The following SPAG16 variants were observed in gnomAD, a reference collection of about 807,000 sequenced individuals.
The protein encoded by SPAG16 is sperm-associated antigen 16 protein.
A neutral mutation model predicts 80.4 loss-of-function variants in SPAG16; 86 were observed. The ratio of observed to expected loss-of-function variants is 1.07; its 90% CI spans 0.90 to 1.28. The LOEUF (loss-of-function observed/expected upper bound fraction) is 1.28. Among genes scored for constraint, SPAG16 ranks in the 50% most tolerant of loss-of-function variants. SPAG16 has a pLI of 0.00. For missense variants in SPAG16, 870 were observed against 765.3 expected (o/e 1.14, Z -1.61); for synonymous variants, 294 against 265.9 (o/e 1.11, Z -1.03).
At chr2:213,349,591 A>G (rs1481857031) in intron 6 of SPAG16, among the ~76,000 whole-genome samples, 1 of 152,192 alleles carries the variant, frequency 6.6e-6, no homozygotes. Flanking sequence ...CATGACTTAT[A>G]TAAAAATGTT....
intron 10 of SPAG16, among the ~76,000 whole-genome samples, chr2:213,850,432 G>A (rs1428586799): frequency 1.3e-5 from 2 of 152,194 alleles, no homozygotes; most frequent in African/African-American, 4.8e-5. Flanking sequence ...TAGATTTGAT[G>A]AAGAATGGAC....
chr2:214,321,829 T>C (rs2125995034), intron 15 of SPAG16, among the ~76,000 whole-genome samples: 1 of 152,318 alleles, frequency 6.6e-6, no homozygotes, highest in African/African-American at 2.4e-5. Flanking sequence ...AGTTTCAAAG[T>C]CATTAATAGG....
intron 11 of SPAG16, among the ~76,000 whole-genome samples, chr2:213,865,766 A>G (rs2075657941): frequency 6.8e-6 from 1 of 147,262 alleles, no homozygotes; most frequent in South Asian, 2.1e-4. Context: ...ATATATGTGT[A>G]AATTCAGAAT....
chr2:213,607,731 A>G (rs1469590211), intron 10 of SPAG16, among the ~76,000 whole-genome samples: 1 of 152,192 alleles, frequency 6.6e-6, no homozygotes, highest in East Asian at 1.9e-4. Context: ...GCATTCTAAA[A>G]TACATCTAAG....
intron 10 of SPAG16, among the ~76,000 whole-genome samples, chr2:213,555,164 TG>T (rs2059388338): frequency 6.6e-6 from 1 of 152,310 alleles, no homozygotes; most frequent in African/African-American, 2.4e-5. Flanking sequence ...TTATAGTCCA[TG>T]ACTAAATGGT....
Position 214,061,977 on chromosome 2 carries a change from G to A in SPAG16, c.1528-46219G>A, listed in dbSNP as rs925797594. ...AAAATAGCATACATAATGAATAAAA[G>A]CATGCACACACACACACACACACAC... On this transcript the variant is annotated intron_variant, in intron 13 of 15. Coordinates refer to ENST00000331683, the MANE Select transcript of SPAG16 (RefSeq NM_024532.5). 1.1e-3 allele frequency among the ~76,000 whole-genome samples: 70 copies of A among 65,400 alleles called. 1 individual carries two copies. The South Asian group carries it at 0.016, about 15-fold the overall frequency. The allele number at this position is 65,400 out of a possible 152,430, so 42.9% of individuals were successfully genotyped here.
At chr2:214,225,933 T>C (rs953140880) in intron 15 of SPAG16, among the ~76,000 whole-genome samples, 1 of 152,162 alleles carries the variant, frequency 6.6e-6, no homozygotes, top group Non-Finnish European at 1.5e-5. Flanking sequence ...CTATACAGTC[T>C]AGAAGTGGTA....
chr2:214,031,825 C>T (rs906806154), intron 13 of SPAG16, among the ~76,000 whole-genome samples: 1 of 151,814 alleles, frequency 6.6e-6, no homozygotes, highest in Non-Finnish European at 1.5e-5. Context: ...AGAGAGAGAA[C>T]CAAGGGGGGA....
chr2:213,630,383 CAA>C (rs926318146), intron 10 of SPAG16, among the ~76,000 whole-genome samples: 14 of 109,726 alleles, frequency 1.3e-4, no homozygotes, highest in Admixed American at 1.9e-4. Context: ...GACTCCATCT[CAA>C]AAAAAAAAAA....
intron 9 of SPAG16, among the ~76,000 whole-genome samples, chr2:213,377,156 T>C (rs1255699499): frequency 1.3e-5 from 2 of 152,220 alleles, no homozygotes; most frequent in African/African-American, 4.8e-5. Context: ...AGTTTTAAAT[T>C]AATTTTTCAC....
chr2:213,446,271 T>C (rs2071305421), intron 9 of SPAG16, among the ~76,000 whole-genome samples: 1 of 152,156 alleles, frequency 6.6e-6, no homozygotes, highest in African/African-American at 2.4e-5. Context: ...ATGACAGACA[T>C]TGGTTCAGAA....
intron 9 of SPAG16, 90 bp downstream of exon 9, chr2:213,375,209 A>G: frequency 1.0e-6 from 1 of 961,372 alleles, no homozygotes. Context: ...ATTTTACCGG[A>G]AAAGGAATTT....
chr2:214,364,108 C>T (rs193204482), intron 15 of SPAG16, among the ~76,000 whole-genome samples: 100 of 151,422 alleles, frequency 6.6e-4, no homozygotes, highest in African/African-American at 2.2e-3. Flanking sequence ...ACCACCTTCA[C>T]ACCTTCTCAT....
intron 13 of SPAG16, among the ~76,000 whole-genome samples, chr2:214,062,407 C>T (rs1172606410): frequency 5.7e-5 from 7 of 123,542 alleles, no homozygotes; most frequent in South Asian, 2.7e-4. Context: ...CGGCAGAGCA[C>T]GACTCTGACT....
chr2:213,896,592 G>GTATATATATATATATATATATATATATA (rs1553657367), intron 11 of SPAG16, among the ~76,000 whole-genome samples: 2 of 111,874 alleles, frequency 1.8e-5, no homozygotes, highest in African/African-American at 6.7e-5. Context: ...ACACACACAC[G>GTATATATATATATATATATATATATATA]CACACACACA....
intron 15 of SPAG16, chr2:214,239,882 A>G (rs2125823243): frequency 6.6e-6 from 1 of 152,308 alleles, no homozygotes; most frequent in South Asian, 2.1e-4. Flanking sequence ...TACTGTGGCA[A>G]TTTAAAACAA....
At chr2:214,407,329 T>G (rs1702049099) in intron 15 of SPAG16, among the ~76,000 whole-genome samples, 1 of 152,066 alleles carries the variant, frequency 6.6e-6, no homozygotes, top group South Asian at 2.1e-4. Flanking sequence ...TATTTTGCTT[T>G]TAATATTTTA....
chr2:213,764,254 C>T lies in SPAG16; in HGVS notation c.1071-98231C>T, dbSNP rs1487624607. ...TTGCCTTTTAGGAGTAATTTTCTTT[C>T]AGTTTTTGAGGTAGAACCCAAATGA... On this transcript the variant is annotated intron_variant, in intron 10 of 15. Coordinates refer to ENST00000331683, the MANE Select transcript of SPAG16 (RefSeq NM_024532.5). 2.0e-5 allele frequency among the ~76,000 whole-genome samples: 3 copies of T among 151,152 alleles called. No individual in the cohort carries two copies. The East Asian group carries it at 5.8e-4, about 29-fold the overall frequency.
intron 15 of SPAG16, among the ~76,000 whole-genome samples, chr2:214,330,296 AGAAAT>A (rs992777995): frequency 2.6e-5 from 4 of 151,932 alleles, no homozygotes; most frequent in Non-Finnish European, 5.9e-5. Context: ...AAAAAGGAAA[AGAAAT>A]AAAGAAAATT....
Sources: gnomAD v4.1 joint callset for allele counts (sites outside exome capture counted in the v4.1 genomes callset) on GRCh38, gnomAD v4.1.1 for gene constraint, MANE v1.5 for transcripts, NCBI Gene and HGNC (gene_info 2026-07-23, HGNC 2026-07-21) for gene names.